Variants in ECPAS observed in about 807,000 individuals in gnomAD.
The protein encoded by ECPAS is Ecm29 proteasome adaptor and scaffold.
ECPAS carries 70 observed loss-of-function variants against 255.1 expected under a neutral mutation model. The ratio of observed to expected loss-of-function variants is 0.27; its 90% CI spans 0.23 to 0.33. ECPAS has a LOEUF of 0.33. ECPAS is among the 10% of genes least tolerant of loss of function. The pLI, the probability that ECPAS is intolerant of heterozygous loss-of-function variation, is 1.00. For synonymous variants in ECPAS, 784 were observed against 775.0 expected (o/e 1.01, Z -0.19); for missense variants, 1,817 against 2,206.4 (o/e 0.82, Z 3.54).
chr9:111,371,873 T>A (rs775000091), intron 42 of ECPAS, 44 bp from the exon 43 acceptor site: 5 of 1,519,308 alleles, frequency 3.3e-6, no homozygotes, highest in Non-Finnish European at 4.5e-6. Flanking sequence ...ACAAGAAAAA[T>A]TAACTGATTT....
rs938598250 is a variant in ECPAS, at chr9:111,385,438, A to C, written c.3532T>G (p.Leu1178Val). The C allele has an allele frequency of 1.3e-6, 2 of 1,522,494 alleles. No individual in the cohort carries two copies. Among genetic ancestry groups the C allele is most frequent in the Non-Finnish European group, 1.8e-6 (2 of 1,120,890 alleles). The allele number at this position is 1,522,494 out of a possible 1,614,324, so 94.3% of individuals were successfully genotyped here. A position where few individuals can be genotyped will look rare whatever the true frequency, so the allele number is the denominator to read the frequency against. Residue 1178 changes from leucine (L) to valine (V), a missense_variant, in exon 33 of 50, where the codon TTA (leucine) becomes GTA (valine). Around this residue, in one of 4 missense-constraint regions of ECPAS, gnomAD observed 960 missense variants for 1,179.0 expected, o/e 0.81. Transcript: ENST00000684092. ...NMWRVRESSC[L>V]ALNDLLRGRP... The stretch of plus-strand genomic sequence containing the variant: ...CCTCTCAATAAATCATTCAAAGCTA[A>C]ACAGCTGAAAATCAAAATTTCATTT...
intron 49 of ECPAS, among the ~76,000 whole-genome samples, chr9:111,363,084 C>T (rs3780522): frequency 0.19 from 29,178 of 151,624 alleles, 2,916 homozygotes; most frequent in East Asian, 0.33. Context: ...AACAGATACA[C>T]CACTGGAGAA....
chr9:111,375,242 A>G lies in ECPAS; in HGVS notation c.4021-40T>C, dbSNP rs73533511. ...CAAATATAAAGGTAAGCCTTGGCAA[A>G]TAAGTCAGGACCACATCTTCAATTA... On this transcript the variant is annotated intron_variant, in intron 37 of 49. Coordinates refer to ENST00000684092, the MANE Select transcript of ECPAS (RefSeq NM_001364929.1). 8.2e-4 allele frequency: 1,222 copies of G among 1,487,904 alleles called. 5 individuals carry two copies. In the African/African-American group the frequency reaches 0.013, roughly 15 times the overall value. 92.2% of individuals were successfully genotyped at this position (1,487,904 alleles called of 1,614,324 possible).
intron 17 of ECPAS, among the ~76,000 whole-genome samples, chr9:111,417,427 C>A (rs2098205532): frequency 1.3e-5 from 2 of 151,970 alleles, no homozygotes; most frequent in Non-Finnish European, 2.9e-5. Context: ...GTATCTTCTT[C>A]TTATTGTAAG....
At chr9:111,394,473 A>G (rs780415789) in intron 25 of ECPAS, among the ~76,000 whole-genome samples, 168 bp from the exon 26 acceptor site, 2 of 152,172 alleles carry the variant, frequency 1.3e-5, no homozygotes, top group Non-Finnish European at 1.5e-5. Context: ...CCACTCTAGA[A>G]CCTAGTGTAA....
intron 49 of ECPAS, 38 bp downstream of exon 49, chr9:111,363,550 G>A: frequency 8.1e-7 from 1 of 1,237,508 alleles, no homozygotes; most frequent in Non-Finnish European, 1.2e-6. Context: ...ATGCCACATG[G>A]CTTTATGGTC....
intron 2 of ECPAS, among the ~76,000 whole-genome samples, chr9:111,454,569 C>T (rs889399083): frequency 6.6e-6 from 1 of 152,174 alleles, no homozygotes; most frequent in Non-Finnish European, 1.5e-5. Flanking sequence ...AGCCTTCTAC[C>T]TTTGAGGTGA....
intron 27 of ECPAS, 65 bp downstream of exon 27, chr9:111,393,615 C>T (rs2098163427): frequency 9.4e-7 from 1 of 1,058,264 alleles, no homozygotes; most frequent in South Asian, 1.4e-5. Context: ...GTTCATTAAT[C>T]CAGGTTTTTG....
At chr9:111,366,350 T>C in intron 47 of ECPAS, 23 bp from the exon 48 acceptor site, 1 of 1,518,204 alleles carries the variant, frequency 6.6e-7, no homozygotes, top group Non-Finnish European at 9.0e-7. Context: ...GAAAGCAAGG[T>C]ACAAATGCCA....
In ECPAS at chr9:111,361,934, G is replaced by A; in HGVS notation, c.*96C>T. 1.4e-6 allele frequency: 2 copies of A among 1,417,130 alleles called. No individual in the cohort carries two copies. The highest frequency in any genetic ancestry group is 1.4e-5 in the South Asian group (1 of 71,866). The allele number at this position is 1,417,130 out of a possible 1,614,324, so 87.8% of individuals were successfully genotyped here. ...CAGCCAAGGAATGATGCATGCTACA[G>A]ATTAATCTTTACTTTTTCCCACTTG... On this transcript the variant is annotated 3_prime_UTR_variant, in exon 50 of 50. Coordinates refer to ENST00000684092, the MANE Select transcript of ECPAS (RefSeq NM_001364929.1).
chr9:111,428,520 G>A (rs1248010330), intron 9 of ECPAS, among the ~76,000 whole-genome samples: 1 of 151,936 alleles, frequency 6.6e-6, no homozygotes, highest in Non-Finnish European at 1.5e-5. Context: ...TTCAATGTTC[G>A]CCTTACTACA....
At chr9:111,442,450 G>A in intron 4 of ECPAS, 26 bp from the exon 5 acceptor site, 1 of 1,264,734 alleles carries the variant, frequency 7.9e-7, no homozygotes, top group Non-Finnish European at 1.1e-6. Flanking sequence ...AAAAGCAAGT[G>A]AGTGTGAAGG....
At chr9:111,407,401 C>CAAAAAAA (rs2098185873) in intron 24 of ECPAS, among the ~76,000 whole-genome samples, 1 of 4,558 alleles carries the variant, frequency 2.2e-4, no homozygotes, top group African/African-American at 7.3e-4. Context: ...AACTCCATCT[C>CAAAAAAA]AGAAAAAAAA....
chr9:111,438,454 A>G (rs2098241261), intron 6 of ECPAS, among the ~76,000 whole-genome samples: 1 of 152,088 alleles, frequency 6.6e-6, no homozygotes, highest in Non-Finnish European at 1.5e-5. Context: ...AAAAATACAA[A>G]AAAATTAGCT....
intron 1 of ECPAS, among the ~76,000 whole-genome samples, chr9:111,474,767 CAT>C (rs1213007829): frequency 1.3e-5 from 2 of 152,192 alleles, no homozygotes; most frequent in African/African-American, 4.8e-5. Context: ...TACATTTTCA[CAT>C]ACATTAATCC....
intron 9 of ECPAS, among the ~76,000 whole-genome samples, chr9:111,428,534 G>A (rs779655391): frequency 2.6e-5 from 4 of 152,196 alleles, no homozygotes; most frequent in Non-Finnish European, 4.4e-5. Context: ...TACTACAAGA[G>A]AAATGAATTT....
chr9:111,477,091 C>T (rs994241401), intron 1 of ECPAS, among the ~76,000 whole-genome samples: 1 of 151,504 alleles, frequency 6.6e-6, no homozygotes, highest in Non-Finnish European at 1.5e-5. Context: ...CGTGAGCCAC[C>T]GCGCCTGGTC....
At chr9:111,370,367 G>A (rs1467085592) in intron 45 of ECPAS, 68 bp downstream of exon 45, 3 of 1,098,212 alleles carry the variant, frequency 2.7e-6, no homozygotes, top group Non-Finnish European at 3.9e-6. Context: ...CAGGACATAG[G>A]GGAAAACAAT....
At chr9:111,425,634 T>C in intron 11 of ECPAS, 109 bp downstream of exon 11, 1 of 960,472 alleles carries the variant, frequency 1.0e-6, no homozygotes. Flanking sequence ...TTTTTAAAGA[T>C]GAGCAAACAT....
Sources: gnomAD v4.1 joint callset for allele counts (sites outside exome capture counted in the v4.1 genomes callset) on GRCh38, gnomAD v4.1.1 for gene constraint, gnomAD v4.1.1 regional missense constraint, MANE v1.5 for transcripts, NCBI Gene and HGNC (gene_info 2026-07-23, HGNC 2026-07-21) for gene names.